AGBL4: variants seen among roughly 807,000 people sequenced by gnomAD.
AGBL4 encodes the protein AGBL carboxypeptidase 4, also known as cytosolic carboxypeptidase 6.
A neutral mutation model predicts 66.4 loss-of-function variants in AGBL4; 58 were observed. That is an observed-to-expected ratio of 0.87 (90% CI 0.71 to 1.09). The LOEUF (loss-of-function observed/expected upper bound fraction) is 1.09, where lower values mean the gene tolerates loss of function less well. Among genes scored for constraint, AGBL4 ranks in the 50% least tolerant of loss-of-function variants. AGBL4 has a pLI of 0.00. For synonymous variants in AGBL4, 234 were observed against 222.9 expected, an observed-to-expected ratio of 1.05 and a Z score of -0.44; for missense variants, 579 against 631.0, an observed-to-expected ratio of 0.92 and a Z score of 0.88.
intron 2 of AGBL4, among the ~76,000 whole-genome samples, chr1:49,846,844 T>C (rs918813107): frequency 7.2e-5 from 11 of 152,150 alleles, no homozygotes; most frequent in Non-Finnish European, 1.6e-4. Context: ...GTTAAAGTGA[T>C]CACACTGCCC....
chr1:49,513,004 C>T (rs983210205), intron 3 of AGBL4, among the ~76,000 whole-genome samples: 1 of 151,906 alleles, frequency 6.6e-6, no homozygotes, highest in African/African-American at 2.4e-5. Flanking sequence ...ATAGACTGAC[C>T]AGGAATAACT....
intron 3 of AGBL4, among the ~76,000 whole-genome samples, chr1:49,449,909 T>A (rs1358319471): frequency 6.6e-6 from 1 of 151,894 alleles, no homozygotes; most frequent in Non-Finnish European, 1.5e-5. Context: ...ACAGCACAAA[T>A]CTGAAATTAT....
chr1:48,540,591 G>A (rs1197433454), intron 11 of AGBL4, among the ~76,000 whole-genome samples: 3 of 151,840 alleles, frequency 2.0e-5, no homozygotes, highest in South Asian at 2.1e-4. Flanking sequence ...ACTGTGATTC[G>A]TGCCCTTGCC....
intron 11 of AGBL4, among the ~76,000 whole-genome samples, chr1:48,561,503 A>C (rs570474068): frequency 5.3e-5 from 8 of 152,326 alleles, no homozygotes; most frequent in African/African-American, 1.9e-4. Flanking sequence ...GGTTCATTTT[A>C]TGTGTCAACT....
At chr1:48,788,219 A>G (rs1200137408) in intron 6 of AGBL4, among the ~76,000 whole-genome samples, 1 of 152,248 alleles carries the variant, frequency 6.6e-6, no homozygotes, top group Non-Finnish European at 1.5e-5. Context: ...CCTGTCACAC[A>G]GTAGGTTGCA....
chr1:48,802,814 C>G (rs924018360), intron 6 of AGBL4, among the ~76,000 whole-genome samples: 1 of 152,224 alleles, frequency 6.6e-6, no homozygotes, highest in African/African-American at 2.4e-5. Context: ...TTTAATTTCA[C>G]TTCATACTTG....
intron 3 of AGBL4, among the ~76,000 whole-genome samples, chr1:49,378,219 TAAA>T (rs1644512051): frequency 6.6e-6 from 1 of 152,050 alleles, no homozygotes; most frequent in South Asian, 2.1e-4. Flanking sequence ...AATAAGACCT[TAAA>T]AAGAAAAAAT....
At chr1:49,998,831 A>C (rs1171034883) in intron 1 of AGBL4, among the ~76,000 whole-genome samples, 1 of 152,218 alleles carries the variant, frequency 6.6e-6, no homozygotes, top group Non-Finnish European at 1.5e-5. Context: ...AAAAACAAAA[A>C]TCACATGATT....
chr1:50,014,581 A>G (rs1264812690), intron 1 of AGBL4, among the ~76,000 whole-genome samples: 3 of 142,102 alleles, frequency 2.1e-5, no homozygotes, highest in African/African-American at 5.3e-5. Context: ...GCTCTGTGCA[A>G]TGGTATAGTC....
chr1:49,247,805 T>A lies in AGBL4; in HGVS notation c.283-1941A>T, dbSNP rs376294077. On this transcript the variant is annotated intron_variant, in intron 3 of 13. Coordinates refer to ENST00000371839, the MANE Select transcript of AGBL4 (RefSeq NM_032785.4). ...TAGGAAATTTCCCAGGTATTTTAAA[T>A]ATGCTACATTATTTGTTTACTCCAT... Among the ~76,000 whole-genome samples, 4 of 152,196 alleles carry A rather than the reference T, an allele frequency of 2.6e-5. No homozygotes were observed. In the East Asian group the frequency reaches 5.8e-4, roughly 22 times the overall value.
intron 5 of AGBL4, among the ~76,000 whole-genome samples, chr1:48,915,807 G>T (rs1019938557): frequency 6.6e-6 from 1 of 152,114 alleles, no homozygotes; most frequent in Admixed American, 6.5e-5. Flanking sequence ...CAAGAGGGAA[G>T]GTCTCCCAGG....
At chr1:48,611,706 G>T (rs1253957295) in intron 9 of AGBL4, among the ~76,000 whole-genome samples, 1 of 152,174 alleles carries the variant, frequency 6.6e-6, no homozygotes, top group East Asian at 1.9e-4. Context: ...AGATCACACA[G>T]CTGAGTAAGA....
chr1:48,962,926 G>A (rs1658117419), intron 5 of AGBL4, among the ~76,000 whole-genome samples: 2 of 151,696 alleles, frequency 1.3e-5, no homozygotes, highest in South Asian at 4.2e-4. Context: ...TTATGAAGCT[G>A]TGGTGAAGAT....
chr1:49,931,527 A>T (rs1190494992), intron 1 of AGBL4, among the ~76,000 whole-genome samples: 1 of 152,058 alleles, frequency 6.6e-6, no homozygotes, highest in African/African-American at 2.4e-5. Context: ...TCAAACAACC[A>T]CATCTCATGA....
intron 2 of AGBL4, among the ~76,000 whole-genome samples, chr1:49,840,079 G>A (rs1645952947): frequency 6.6e-6 from 1 of 152,126 alleles, no homozygotes; most frequent in South Asian, 2.1e-4. Flanking sequence ...GTAGAATTTG[G>A]CTATAAATAT....
intron 1 of AGBL4, among the ~76,000 whole-genome samples, chr1:49,947,022 T>C (rs1053803255): frequency 1.3e-5 from 2 of 151,674 alleles, no homozygotes; most frequent in Non-Finnish European, 1.5e-5. Context: ...TTAGACACCC[T>C]GAACAGACCA....
At position 48,652,685 on chromosome 1, in the gene AGBL4, ACTAT is replaced by A. The variant is rs1353579258; in HGVS notation, c.839+648_839+651del. Among the ~76,000 whole-genome samples, 13 of 152,304 alleles carry A rather than the reference ACTAT, an allele frequency of 8.5e-5. No homozygotes were observed. The South Asian group carries it at 2.3e-3, about 27-fold the overall frequency. The stretch of plus-strand genomic sequence containing the variant: ...CTTAATGTGAAATAAGGGCAATAAC[ACTAT>A]CTATCTCAAATGAGTCGGTGTTTTT... On this transcript the variant is annotated intron_variant, in intron 8 of 13. Transcript: ENST00000371839.
chr1:48,902,555 G>T (rs1346206099), intron 5 of AGBL4, among the ~76,000 whole-genome samples: 2 of 152,094 alleles, frequency 1.3e-5, no homozygotes, highest in Non-Finnish European at 2.9e-5. Context: ...GAGGGCTAAA[G>T]GATGAAATCT....
At chr1:48,931,859 T>C (rs781033240) in intron 5 of AGBL4, among the ~76,000 whole-genome samples, 1 of 152,194 alleles carries the variant, frequency 6.6e-6, no homozygotes, top group Non-Finnish European at 1.5e-5. Flanking sequence ...ATTTATGGTT[T>C]ATTTGTTCAT....
Sources: allele counts gnomAD v4.1 joint callset (sites outside exome capture counted in the v4.1 genomes callset), GRCh38; gene constraint gnomAD v4.1.1; transcripts MANE v1.5; gene names NCBI Gene and HGNC (gene_info 2026-07-23, HGNC 2026-07-21).